Variants in RBPMS2 observed in about 807,000 individuals in gnomAD.
RBPMS2 encodes the protein RNA binding protein, mRNA processing factor 2.
Under a neutral mutation model 25.7 loss-of-function variants are expected in RBPMS2, and 14 were observed. The observed-to-expected ratio is 0.55, with a 90% CI of 0.36 to 0.85. The LOEUF (loss-of-function observed/expected upper bound fraction) is 0.85, where lower values mean the gene tolerates loss of function less well. RBPMS2 is among the 40% of genes least tolerant of loss of function. The pLI, the probability that RBPMS2 is intolerant of heterozygous loss-of-function variation, is 0.01. For synonymous variants in RBPMS2, 127 were observed against 115.6 expected, an observed-to-expected ratio of 1.10 and a Z score of -0.63; for missense variants, 252 against 283.4, an observed-to-expected ratio of 0.89 and a Z score of 0.80.
intron 7 of RBPMS2, 57 bp downstream of exon 7, chr15:64,741,116 C>T (rs2083557582): frequency 7.4e-7 from 1 of 1,349,818 alleles, no homozygotes; most frequent in Non-Finnish European, 1.0e-6. Flanking sequence ...GAACTACGGC[C>T]CTTCAGGGAG....
intron 1 of RBPMS2, among the ~76,000 whole-genome samples, chr15:64,773,164 T>C (rs2083904179): frequency 6.6e-6 from 1 of 152,208 alleles, no homozygotes; most frequent in Non-Finnish European, 1.5e-5. Flanking sequence ...CTAACGCTGA[T>C]TCTCCAGATG....
At chr15:64,741,457 C>A (rs1234781555) in intron 6 of RBPMS2, among the ~76,000 whole-genome samples, 1 of 152,188 alleles carries the variant, frequency 6.6e-6, no homozygotes, top group East Asian at 1.9e-4. Flanking sequence ...GACACAGGTT[C>A]CAGCGAAGGA....
At chr15:64,745,843 G>C (rs2083613769) in intron 6 of RBPMS2, among the ~76,000 whole-genome samples, 1 of 152,128 alleles carries the variant, frequency 6.6e-6, no homozygotes, top group Non-Finnish European at 1.5e-5. Context: ...GCTCAGGCTG[G>C]GCTACTGGCA....
chr15:64,754,113 C>A (rs953384243), intron 1 of RBPMS2, among the ~76,000 whole-genome samples: 3 of 152,034 alleles, frequency 2.0e-5, no homozygotes, highest in Non-Finnish European at 4.4e-5. Flanking sequence ...GAGTTTGAGA[C>A]CAGCCTGGCC....
chr15:64,741,007 G>T lies in RBPMS2; in HGVS notation c.*8-7C>A, dbSNP rs935695401. 1 of 570,982 alleles carries T rather than the reference G, an allele frequency of 1.8e-6. No homozygotes were observed. Among genetic ancestry groups the T allele is most frequent in the Non-Finnish European group, 3.1e-6 (1 of 318,734 alleles). 35.4% of individuals were successfully genotyped at this position (570,982 alleles called of 1,614,324 possible). A position where few individuals can be genotyped will look rare whatever the true frequency, so the allele number is the denominator to read the frequency against. On this transcript the variant is annotated splice_region_variant and splice_polypyrimidine_tract_variant and intron_variant, in intron 7 of 7. Transcript: ENST00000300069. ...ACCTCCCCGGTGACCAGACCTGGAGGGAGGGAGAGAGGCGGCCGTGAGCAG... is the reference window on the plus strand; with the variant it reads ...ACCTCCCCGGTGACCAGACCTGGAGTGAGGGAGAGAGGCGGCCGTGAGCAG...
chr15:64,763,194 T>C (rs762756983), intron 1 of RBPMS2, among the ~76,000 whole-genome samples: 1 of 151,984 alleles, frequency 6.6e-6, no homozygotes, highest in East Asian at 1.9e-4. Context: ...GTGAGGTGGA[T>C]GGAATGTGGC....
chr15:64,744,798 GTTTTTTTTTTTTTTTTTTTTT>G (rs748967917), intron 6 of RBPMS2, among the ~76,000 whole-genome samples: 1 of 46,290 alleles, frequency 2.2e-5, no homozygotes, highest in African/African-American at 7.4e-5. Flanking sequence ...GGTTTGTTTT[GTTTTTTTTTTTTTTTTTTTTT>G]TTTTTTTTTT....
At chr15:64,768,928 G>A (rs1186303300) in intron 1 of RBPMS2, among the ~76,000 whole-genome samples, 6 of 150,886 alleles carry the variant, frequency 4.0e-5, no homozygotes, top group African/African-American at 1.2e-4. Flanking sequence ...ATGAAACCCC[G>A]TCTCTACTAA....
chr15:64,757,817 C>CG lies in RBPMS2; in HGVS notation c.88-6180_88-6179insC, dbSNP rs569189410. Among the ~76,000 whole-genome samples, 1,223 of 151,260 alleles carry CG rather than the reference C, an allele frequency of 8.1e-3. 16 individuals carry two copies. Among genetic ancestry groups the CG allele is most frequent in the Non-Finnish European group, 8.8e-3 (595 of 67,818 alleles). On this transcript the variant is annotated intron_variant, in intron 1 of 7. Transcript: ENST00000300069. The stretch of plus-strand genomic sequence containing the variant: ...CAATATAGCAAGGCCCTATCCCCCC[C>CG]CACAAAAAATCAGCCAGGCGTGGTG...
intron 1 of RBPMS2, among the ~76,000 whole-genome samples, chr15:64,768,594 C>T (rs1012263381): frequency 2.0e-5 from 3 of 151,288 alleles, no homozygotes; most frequent in Non-Finnish European, 2.9e-5. Flanking sequence ...GCCGAGATTG[C>T]GCCACTGCAC....
intron 1 of RBPMS2, among the ~76,000 whole-genome samples, chr15:64,764,436 A>G (rs1269412379): frequency 1.3e-5 from 2 of 152,122 alleles, no homozygotes; most frequent in African/African-American, 4.8e-5. Context: ...CCATTACTTG[A>G]CGGAGGCGAA....
chr15:64,746,437 G>A (rs1229811317), intron 6 of RBPMS2, among the ~76,000 whole-genome samples: 2 of 152,192 alleles, frequency 1.3e-5, no homozygotes, highest in East Asian at 3.8e-4. Flanking sequence ...GCGACTCCAT[G>A]CCATCATGCG....
At chr15:64,760,201 G>C (rs2083771180) in intron 1 of RBPMS2, among the ~76,000 whole-genome samples, 1 of 152,234 alleles carries the variant, frequency 6.6e-6, no homozygotes, top group African/African-American at 2.4e-5. Context: ...GCTGAGCAAA[G>C]CCTCCATGAA....
chr15:64,756,915 G>A (rs1246774863), intron 1 of RBPMS2, among the ~76,000 whole-genome samples: 1 of 146,522 alleles, frequency 6.8e-6, no homozygotes, highest in African/African-American at 2.5e-5. Context: ...TGATCCGCCC[G>A]CCTTGGCCTC....
intron 1 of RBPMS2, among the ~76,000 whole-genome samples, chr15:64,773,944 C>G (rs2083909572): frequency 6.6e-6 from 1 of 152,258 alleles, no homozygotes; most frequent in African/African-American, 2.4e-5. Context: ...ATCCACCACA[C>G]TTAAGTCATT....
chr15:64,767,142 CAGGCTCA>C (rs1363505006), intron 1 of RBPMS2, among the ~76,000 whole-genome samples: 2 of 151,966 alleles, frequency 1.3e-5, no homozygotes, highest in Admixed American at 6.6e-5. Context: ...CTCTATCACC[CAGGCTCA>C]AGTGCAGTGG....
At chr15:64,762,099 G>A (rs2141071809) in intron 1 of RBPMS2, among the ~76,000 whole-genome samples, 1 of 152,218 alleles carries the variant, frequency 6.6e-6, no homozygotes, top group African/African-American at 2.4e-5. Context: ...CCATCCTCCT[G>A]CAATCCCAAA....
chr15:64,748,845 C>A (rs6494492), intron 5 of RBPMS2, among the ~76,000 whole-genome samples, 155 bp downstream of exon 5: 121,749 of 152,168 alleles, frequency 0.8, 52,635 homozygotes, highest in East Asian at 0.96. Context: ...AAATTCTAGG[C>A]AGGCTGCAGG....
At chr15:64,751,336 A>G (rs77364294) in intron 2 of RBPMS2, among the ~76,000 whole-genome samples, 2 of 12,372 alleles carry the variant, frequency 1.6e-4, no homozygotes, top group Admixed American at 6.2e-3. Flanking sequence ...CGTCTCGAGG[A>G]AAAAAAAAAA....
Sources: gnomAD v4.1 joint callset for allele counts (sites outside exome capture counted in the v4.1 genomes callset) on GRCh38, gnomAD v4.1.1 for gene constraint, MANE v1.5 for transcripts, NCBI Gene and HGNC (gene_info 2026-07-23, HGNC 2026-07-21) for gene names.